The following STAM2 variants were observed in gnomAD, a reference collection of about 807,000 sequenced individuals.
STAM2 encodes the protein signal transducing adapter molecule 2.
A neutral mutation model predicts 65.6 loss-of-function variants in STAM2; 51 were observed. The observed-to-expected ratio is 0.78, with a 90% CI of 0.62 to 0.98. The LOEUF (loss-of-function observed/expected upper bound fraction) is 0.98, where lower values mean the gene tolerates loss of function less well. STAM2 is among the 50% of genes least tolerant of loss of function. The pLI is 0.00. For synonymous variants in STAM2, 198 were observed against 208.4 expected (o/e 0.95, Z 0.43); for missense variants, 584 against 617.8 (o/e 0.95, Z 0.58).
intron 11 of STAM2, among the ~76,000 whole-genome samples, chr2:152,128,150 GT>G (rs1688996199): frequency 6.6e-6 from 1 of 152,194 alleles, no homozygotes; most frequent in African/African-American, 2.4e-5. Context: ...GCTTATGCCT[GT>G]AATCCCAGCA....
chr2:152,132,764 A>G (rs1689087339), intron 10 of STAM2, among the ~76,000 whole-genome samples: 1 of 145,232 alleles, frequency 6.9e-6, no homozygotes, highest in Non-Finnish European at 1.6e-5. Context: ...ACTAAAAGAC[A>G]CATCAACATG....
intron 12 of STAM2, chr2:152,124,265 T>C (rs927249810): frequency 3.6e-5 from 8 of 219,458 alleles, no homozygotes; most frequent in Non-Finnish European, 5.4e-5. Flanking sequence ...CAGAAAACTA[T>C]ACACTCCCTT....
intron 11 of STAM2, among the ~76,000 whole-genome samples, chr2:152,127,835 T>G (rs1017471997): frequency 6.6e-6 from 1 of 152,204 alleles, no homozygotes; most frequent in African/African-American, 2.4e-5. Flanking sequence ...GAACTCTCTT[T>G]GCACTGTCAA....
chr2:152,175,033 C>A (rs1464139567), intron 1 of STAM2, among the ~76,000 whole-genome samples: 5 of 152,214 alleles, frequency 3.3e-5, no homozygotes, highest in Admixed American at 2.6e-4. Flanking sequence ...CCCGCGCAAT[C>A]TTTGCAATCC....
intron 1 of STAM2, among the ~76,000 whole-genome samples, chr2:152,174,108 C>A (rs997511119): frequency 2.6e-5 from 4 of 152,188 alleles, no homozygotes; most frequent in Non-Finnish European, 4.4e-5. Context: ...TAGAACAGAA[C>A]AGACAGAGCA....
intron 1 of STAM2, among the ~76,000 whole-genome samples, chr2:152,174,659 T>C (rs981681034): frequency 6.6e-6 from 1 of 152,080 alleles, no homozygotes; most frequent in Non-Finnish European, 1.5e-5. Context: ...TTCCAAGTTC[T>C]AAAAATTTAC....
intron 7 of STAM2, among the ~76,000 whole-genome samples, chr2:152,136,373 G>A (rs1199194276): frequency 6.6e-6 from 1 of 152,058 alleles, no homozygotes. Context: ...AACCAAGAAG[G>A]CAGAGGTTGC....
chr2:152,130,947 G>T (rs1419896781), intron 11 of STAM2, among the ~76,000 whole-genome samples: 1 of 142,232 alleles, frequency 7.0e-6, no homozygotes, highest in South Asian at 2.3e-4. Context: ...AGTGAGCCGA[G>T]ATCGCACCAC....
At chr2:152,141,623 C>A (rs1269428363) in intron 7 of STAM2, among the ~76,000 whole-genome samples, 1 of 151,756 alleles carries the variant, frequency 6.6e-6, no homozygotes, top group African/African-American at 2.4e-5. Flanking sequence ...CAGAGTCTCG[C>A]TCTGTCGCCC....
At chr2:152,121,846 C>A (rs1273075921) in intron 13 of STAM2, among the ~76,000 whole-genome samples, 1 of 151,894 alleles carries the variant, frequency 6.6e-6, no homozygotes, top group Non-Finnish European at 1.5e-5. Context: ...AGATCGAGAC[C>A]ATCCTGGCTA....
At chr2:152,159,934 T>G (rs1689629763) in intron 1 of STAM2, among the ~76,000 whole-genome samples, 1 of 152,250 alleles carries the variant, frequency 6.6e-6, no homozygotes, top group Admixed American at 6.5e-5. Flanking sequence ...TTTCGCTGTG[T>G]TGGCCGGGCT....
chr2:152,120,009 A>G lies in STAM2; in HGVS notation c.*565T>C, dbSNP rs1688820048. On this transcript the variant is annotated 3_prime_UTR_variant, in exon 14 of 14. Coordinates refer to ENST00000263904, the MANE Select transcript of STAM2 (RefSeq NM_005843.6). The stretch of plus-strand genomic sequence containing the variant: ...GCAATTTAAGGAGCCAAAAAGAAAT[A>G]TGCTGGCAAGCTAAATGCTTACACA... 1 of 152,904 alleles carries G rather than the reference A, an allele frequency of 6.5e-6. No individual in the cohort carries two copies. Among genetic ancestry groups the G allele is most frequent in the Non-Finnish European group, 1.5e-5 (1 of 68,254 alleles). The allele number at this position is 152,904 out of a possible 1,614,324, so 9.5% of individuals were successfully genotyped here.
At chr2:152,149,612 C>A (rs1009321573) in intron 2 of STAM2, among the ~76,000 whole-genome samples, 13 of 150,870 alleles carry the variant, frequency 8.6e-5, no homozygotes, top group African/African-American at 3.2e-4. Context: ...ATTTTCCTGT[C>A]TCAGCATCTC....
intron 8 of STAM2, among the ~76,000 whole-genome samples, chr2:152,134,429 T>G (rs1689116479): frequency 6.6e-6 from 1 of 152,206 alleles, no homozygotes; most frequent in Non-Finnish European, 1.5e-5. Context: ...AGGAATAAAA[T>G]TATAAATAAT....
In STAM2 at chr2:152,120,472, T is replaced by G; in HGVS notation, c.*102A>C. The G allele has an allele frequency of 2.1e-6, 2 of 963,532 alleles. No individual in the cohort carries two copies. The highest frequency in any genetic ancestry group is 3.1e-5 in the South Asian group (2 of 63,994). The allele number at this position is 963,532 out of a possible 1,614,324, so 59.7% of individuals were successfully genotyped here. A position where few individuals can be genotyped will look rare whatever the true frequency, so the allele number is the denominator to read the frequency against. On this transcript the variant is annotated 3_prime_UTR_variant, in exon 14 of 14. Transcript: ENST00000263904. ...TTTGTGCTTTATTTATTCATGGTCCTTTTGAGTTGAGAGGGAAAAAAGTTT... is the reference window on the plus strand; with the variant it reads ...TTTGTGCTTTATTTATTCATGGTCCGTTTGAGTTGAGAGGGAAAAAAGTTT...
At chr2:152,135,624 A>G (rs567552194) in intron 7 of STAM2, 21 bp from the exon 8 acceptor site, 7 of 1,489,710 alleles carry the variant, frequency 4.7e-6, no homozygotes, top group Non-Finnish European at 5.6e-6. Flanking sequence ...AGTGCAAAAA[A>G]TATCATTTGT....
intron 1 of STAM2, among the ~76,000 whole-genome samples, chr2:152,174,571 C>T (rs891120426): frequency 2.0e-5 from 3 of 152,148 alleles, no homozygotes; most frequent in African/African-American, 7.2e-5. Flanking sequence ...CTCCTAATAA[C>T]CAAATGTTAA....
intron 10 of STAM2, among the ~76,000 whole-genome samples, chr2:152,132,754 A>T (rs1308234178): frequency 6.6e-6 from 1 of 150,768 alleles, no homozygotes; most frequent in East Asian, 1.9e-4. Flanking sequence ...TTTCTTAGAG[A>T]CTAAAAGACA....
intron 1 of STAM2, among the ~76,000 whole-genome samples, chr2:152,159,465 A>G (rs1689618663): frequency 6.6e-6 from 1 of 152,180 alleles, no homozygotes; most frequent in Non-Finnish European, 1.5e-5. Context: ...TAATTCATTA[A>G]AAAACTAAAT....
Sources: gnomAD v4.1 joint callset for allele counts (sites outside exome capture counted in the v4.1 genomes callset) on GRCh38, gnomAD v4.1.1 for gene constraint, MANE v1.5 for transcripts, NCBI Gene and HGNC (gene_info 2026-07-23, HGNC 2026-07-21) for gene names.